Variants in DMD observed in about 807,000 individuals in gnomAD.
The protein encoded by DMD is dystrophin.
In DMD, 63 loss-of-function variants were observed where a neutral mutation model predicts 330.1. The ratio of observed to expected loss-of-function variants is 0.19; its 90% confidence interval spans 0.16 to 0.24. DMD has a LOEUF of 0.24. DMD is among the 10% of genes least tolerant of loss of function. The pLI is 1.00. For missense variants in DMD, 3,344 were observed against 2,684.1 expected, an observed-to-expected ratio of 1.25 and a Z score of -5.43; for synonymous variants, 1,223 against 959.8, an observed-to-expected ratio of 1.27 and a Z score of -5.07.
chrX:31,668,465 T>C (rs1417807752), intron 53 of DMD, among the ~76,000 whole-genome samples: 1 of 110,882 alleles, frequency 9.0e-6, no homozygotes, highest in Non-Finnish European at 1.9e-5. Flanking sequence ...TTTTAAAACA[T>C]TTTATTTTTA....
intron 15 of DMD, among the ~76,000 whole-genome samples, chrX:32,568,946 A>T (rs954934313): frequency 1.8e-5 from 2 of 112,476 alleles, no homozygotes; most frequent in African/African-American, 6.5e-5. Context: ...TAAAATATGT[A>T]TTTCTACATA....
chrX:31,751,024 G>A (rs373810009), intron 51 of DMD, among the ~76,000 whole-genome samples: 6 of 108,776 alleles, frequency 5.5e-5, no homozygotes, highest in South Asian at 4.0e-4. Flanking sequence ...AGAACATTCC[G>A]TGCTCATGGG....
At chrX:32,945,020 T>C (rs910250931) in intron 2 of DMD, among the ~76,000 whole-genome samples, 1 of 111,512 alleles carries the variant, frequency 9.0e-6, no homozygotes, top group African/African-American at 3.3e-5. Flanking sequence ...AACTTTAGAG[T>C]AATTCTTGTC....
At chrX:32,473,334 A>C (rs1341954417) in intron 21 of DMD, among the ~76,000 whole-genome samples, 1 of 111,687 alleles carries the variant, frequency 9.0e-6, no homozygotes. Context: ...ATGGAGACAC[A>C]AAAAGATAGA....
intron 19 of DMD, among the ~76,000 whole-genome samples, 161 bp from the exon 20 acceptor site, chrX:32,491,679 A>T (rs1219423125): frequency 8.9e-6 from 1 of 112,537 alleles, no homozygotes; most frequent in Non-Finnish European, 1.9e-5. Flanking sequence ...ATGATTTCAG[A>T]TTATTCAATG....
chrX:32,258,593 C>T (rs1267641976), intron 43 of DMD, among the ~76,000 whole-genome samples: 1 of 110,274 alleles, frequency 9.1e-6, no homozygotes, highest in African/African-American at 3.3e-5. Flanking sequence ...TATTCTCACC[C>T]ATAAGTGGGA....
chrX:32,868,161 A>G (rs2082663936), intron 2 of DMD, among the ~76,000 whole-genome samples: 1 of 111,882 alleles, frequency 8.9e-6, no homozygotes, highest in African/African-American at 3.2e-5. Context: ...GGAGGTAGTG[A>G]GTGATTGTCC....
At chrX:32,126,361 T>C (rs2096661641) in intron 44 of DMD, among the ~76,000 whole-genome samples, 1 of 111,920 alleles carries the variant, frequency 8.9e-6, no homozygotes, top group Non-Finnish European at 1.9e-5. Flanking sequence ...CTTTCAACCA[T>C]CGGTATCCAC....
intron 1 of DMD, among the ~76,000 whole-genome samples, chrX:33,108,474 C>T (rs1340799549): frequency 0.07 from 6 of 86 alleles, no homozygotes; most frequent in African/African-American, 0.15. Context: ...ACTATGTTGG[C>T]CAGGCTGGCT....
intron 9 of DMD, among the ~76,000 whole-genome samples, chrX:32,646,070 G>C (rs760788921): frequency 9.0e-6 from 1 of 111,543 alleles, no homozygotes; most frequent in African/African-American, 3.3e-5. Context: ...AGGCTGGAGC[G>C]CTCTGCGTGG....
intron 41 of DMD, among the ~76,000 whole-genome samples, chrX:32,335,830 T>A (rs2097708030): frequency 9.5e-6 from 1 of 105,526 alleles, no homozygotes; most frequent in African/African-American, 3.5e-5. Context: ...ACATGTTATA[T>A]ATAACGTGCA....
At chrX:33,145,106 T>C (rs1225510757) in intron 1 of DMD, among the ~76,000 whole-genome samples, 2 of 112,361 alleles carry the variant, frequency 1.8e-5, no homozygotes, top group Non-Finnish European at 3.8e-5. Flanking sequence ...TAGGTGTTAT[T>C]CATGTATTTT....
At chrX:32,050,579 G>A (rs888683949) in intron 44 of DMD, among the ~76,000 whole-genome samples, 3 of 111,543 alleles carry the variant, frequency 2.7e-5, no homozygotes, top group East Asian at 2.8e-4. Flanking sequence ...CTTTTTATAT[G>A]TGCCTTTATT....
chrX:32,202,225 A>T (rs2097043288), intron 44 of DMD, among the ~76,000 whole-genome samples: 1 of 112,280 alleles, frequency 8.9e-6, no homozygotes, highest in Non-Finnish European at 1.9e-5. Flanking sequence ...AGAGCTGAGA[A>T]TGATACGCAA....
chrX:32,226,556 G>A (rs1424309114), intron 43 of DMD, among the ~76,000 whole-genome samples: 1 of 111,457 alleles, frequency 9.0e-6, no homozygotes, highest in Non-Finnish European at 1.9e-5. Context: ...GCTGTTCCTG[G>A]TACATGATAA....
At chrX:32,524,228 C>A (rs760848737) in intron 17 of DMD, among the ~76,000 whole-genome samples, 92 of 111,950 alleles carry the variant, frequency 8.2e-4, no homozygotes, top group African/African-American at 2.8e-3. Context: ...GCCACCGCGC[C>A]CGGCCCCAGA....
intron 44 of DMD, among the ~76,000 whole-genome samples, chrX:32,101,683 G>T (rs1328916163): frequency 9.0e-6 from 1 of 111,460 alleles, no homozygotes; most frequent in East Asian, 2.8e-4. Flanking sequence ...TATATCCCTT[G>T]GTTAGAGGAC....
chrX:31,339,754 T>C (rs2057620087), intron 61 of DMD, among the ~76,000 whole-genome samples: 1 of 111,666 alleles, frequency 9.0e-6, no homozygotes. Flanking sequence ...TTTGTATTTT[T>C]AGTAGAGACA....
At chrX:31,952,551 C>A (rs780337720) in intron 45 of DMD, among the ~76,000 whole-genome samples, 1 of 104,468 alleles carries the variant, frequency 9.6e-6, no homozygotes, top group South Asian at 4.1e-4. Context: ...TCATTTGGTT[C>A]TTTTATATAG....
Sources: gnomAD v4.1 joint callset for allele counts (sites outside exome capture counted in the v4.1 genomes callset) on GRCh38, gnomAD v4.1.1 for gene constraint, MANE v1.5 for transcripts, NCBI Gene and HGNC (gene_info 2026-07-23, HGNC 2026-07-21) for gene names.